Variants in NPFFR2 observed in about 807,000 individuals in gnomAD.
NPFFR2 encodes neuropeptide FF receptor 2.
NPFFR2 carries 15 observed loss-of-function variants against 13.1 expected under a neutral mutation model. That is an observed-to-expected ratio of 1.15 (90% CI 0.77 to 1.76). The LOEUF (loss-of-function observed/expected upper bound fraction) is 1.76. Ranked by LOEUF, NPFFR2 falls within the 40% of genes most tolerant of loss-of-function variation. The pLI, the probability that NPFFR2 is intolerant of heterozygous loss-of-function variation, is 0.00. For synonymous variants in NPFFR2, 190 were observed against 175.7 expected (o/e 1.08, Z -0.65); for missense variants, 572 against 503.5 (o/e 1.14, Z -1.30).
chr4:72,075,980 C>T (rs984102701), intron 1 of NPFFR2, among the ~76,000 whole-genome samples: 1 of 13,920 alleles, frequency 7.2e-5, no homozygotes, highest in African/African-American at 8.6e-5. Flanking sequence ...CACACATACA[C>T]ACACACACAC....
chr4:72,059,697 G>A (rs1189858789), intron 1 of NPFFR2, among the ~76,000 whole-genome samples: 1 of 152,052 alleles, frequency 6.6e-6, no homozygotes, highest in East Asian at 1.9e-4. Flanking sequence ...GAACCAAAGT[G>A]GGGTTTCTTC....
intron 1 of NPFFR2, among the ~76,000 whole-genome samples, chr4:72,115,792 T>A (rs1049122669): frequency 2.0e-5 from 3 of 152,198 alleles, no homozygotes; most frequent in Non-Finnish European, 4.4e-5. Context: ...TTCCAATGTA[T>A]CTATAGATTG....
intron 1 of NPFFR2, among the ~76,000 whole-genome samples, chr4:72,121,291 T>C (rs949269197): frequency 6.6e-6 from 1 of 152,016 alleles, no homozygotes; most frequent in Non-Finnish European, 1.5e-5. Context: ...TACCTGAAAG[T>C]GACAGGGAGA....
chr4:72,099,026 A>C (rs1721151951), intron 1 of NPFFR2, among the ~76,000 whole-genome samples: 1 of 152,206 alleles, frequency 6.6e-6, no homozygotes. Context: ...TGCCAAGTGC[A>C]AGTATGAAGT....
chr4:72,081,316 C>G (rs1720612276), intron 1 of NPFFR2, among the ~76,000 whole-genome samples: 1 of 152,026 alleles, frequency 6.6e-6, no homozygotes, highest in African/African-American at 2.4e-5. Context: ...GCCTGCAAAC[C>G]CAAAATATTT....
intron 3 of NPFFR2, among the ~76,000 whole-genome samples, chr4:72,139,055 G>T (rs916925503): frequency 6.6e-6 from 1 of 152,188 alleles, no homozygotes; most frequent in Non-Finnish European, 1.5e-5. Context: ...CTGCACAAAT[G>T]TCTTCTTTTG....
intron 1 of NPFFR2, among the ~76,000 whole-genome samples, chr4:72,092,583 C>T (rs4395469): frequency 0.96 from 146,862 of 152,260 alleles, 71,058 homozygotes; most frequent in East Asian, 1. Context: ...CTCTTATCAT[C>T]GTATATTGTC....
At chr4:72,035,336 G>A (rs573329063) in intron 1 of NPFFR2, among the ~76,000 whole-genome samples, 5 of 152,230 alleles carry the variant, frequency 3.3e-5, no homozygotes, top group African/African-American at 1.2e-4. Flanking sequence ...TTCTGCCTGT[G>A]GCAGGGGAGG....
chr4:72,088,420 A>G (rs1036852028), intron 1 of NPFFR2, among the ~76,000 whole-genome samples: 1 of 152,066 alleles, frequency 6.6e-6, no homozygotes, highest in African/African-American at 2.4e-5. Flanking sequence ...AAAGTAAGTA[A>G]TATAGCTTAC....
chr4:72,142,074 G>A (rs942944216), intron 3 of NPFFR2, among the ~76,000 whole-genome samples: 1 of 151,912 alleles, frequency 6.6e-6, no homozygotes, highest in Non-Finnish European at 1.5e-5. Context: ...AGAGACTAGG[G>A]TTGCAACCCC....
intron 2 of NPFFR2, among the ~76,000 whole-genome samples, chr4:72,135,080 T>G (rs191329647): frequency 1.1e-3 from 168 of 152,242 alleles, no homozygotes; most frequent in Non-Finnish European, 1.2e-3. Context: ...TTCAAAGGAA[T>G]TACTCTATTG....
chr4:72,085,189 C>G (rs1446650525), intron 1 of NPFFR2, among the ~76,000 whole-genome samples: 1 of 152,092 alleles, frequency 6.6e-6, no homozygotes, highest in African/African-American at 2.4e-5. Context: ...CATTCTTCAG[C>G]CCATATTAGT....
chr4:72,034,478 G>C (rs1289472576), intron 1 of NPFFR2, among the ~76,000 whole-genome samples: 2 of 152,146 alleles, frequency 1.3e-5, no homozygotes, highest in Admixed American at 1.3e-4. Flanking sequence ...CATGGTGGTA[G>C]CTGTCCTCAT....
At chr4:72,096,947 G>A (rs1192790369) in intron 1 of NPFFR2, among the ~76,000 whole-genome samples, 1 of 151,796 alleles carries the variant, frequency 6.6e-6, no homozygotes, top group East Asian at 1.9e-4. Context: ...ATAAAATATT[G>A]TTAAAAGTTT....
chr4:72,142,378 T>G (rs72857485), intron 3 of NPFFR2, among the ~76,000 whole-genome samples: 32,925 of 152,070 alleles, frequency 0.22, 8,053 homozygotes, highest in African/African-American at 0.56. Flanking sequence ...CCAACCCCTT[T>G]TGCTTCCCAG....
At chr4:72,120,107 C>T (rs1462377722) in intron 1 of NPFFR2, among the ~76,000 whole-genome samples, 1 of 152,136 alleles carries the variant, frequency 6.6e-6, no homozygotes, top group South Asian at 2.1e-4. Context: ...GGGACGTCCA[C>T]CATTACTGAG....
At chr4:72,106,480 CTTG>C (rs1374560200) in intron 1 of NPFFR2, among the ~76,000 whole-genome samples, 1 of 152,028 alleles carries the variant, frequency 6.6e-6, no homozygotes, top group East Asian at 1.9e-4. Context: ...GAAGAGAACG[CTTG>C]TTAAGAAATT....
At chr4:72,082,799 T>A (rs2109794457) in intron 1 of NPFFR2, among the ~76,000 whole-genome samples, 1 of 152,156 alleles carries the variant, frequency 6.6e-6, no homozygotes, top group Non-Finnish European at 1.5e-5. Flanking sequence ...GATCAACATC[T>A]CCCCATTCCA....
chr4:72,094,707 T>C (rs1385232966), intron 1 of NPFFR2, among the ~76,000 whole-genome samples: 1 of 152,142 alleles, frequency 6.6e-6, no homozygotes, highest in Non-Finnish European at 1.5e-5. Context: ...TGAGTTTATT[T>C]CCAGGGCTGA....
Sources: gnomAD v4.1 joint callset for allele counts (sites outside exome capture counted in the v4.1 genomes callset) on GRCh38, gnomAD v4.1.1 for gene constraint, MANE v1.5 for transcripts, NCBI Gene and HGNC (gene_info 2026-07-23, HGNC 2026-07-21) for gene names.